Variants in TUSC3 observed in about 807,000 individuals in gnomAD.
TUSC3 encodes the protein dolichyl-diphosphooligosaccharide--protein glycosyltransferase subunit TUSC3.
A neutral mutation model predicts 44.8 loss-of-function variants in TUSC3; 45 were observed. The observed-to-expected ratio is 1.00, with a 90% CI of 0.79 to 1.29. TUSC3 has a LOEUF of 1.29. Among genes scored for constraint, TUSC3 ranks in the 50% most tolerant of loss-of-function variants. The pLI is 0.00. For synonymous variants in TUSC3, 212 were observed against 152.9 expected (o/e 1.39, Z -2.85); for missense variants, 519 against 437.9 (o/e 1.19, Z -1.65).
At chr8:15,851,765 C>T in the TUSC3 span, among the ~76,000 whole-genome samples, 1 of 152,126 alleles carries the variant, frequency 6.6e-6, no homozygotes, top group African/African-American at 2.4e-5. Context: ...CTGGTTGCTT[C>T]CTCACTGCAT....
chr8:15,584,019 G>C (rs1222778846), intron 1 of TUSC3, among the ~76,000 whole-genome samples: 2 of 152,198 alleles, frequency 1.3e-5, no homozygotes, highest in East Asian at 3.8e-4. Flanking sequence ...TATTTTGTGA[G>C]AATATGTTGT....
intron 2 of TUSC3, among the ~76,000 whole-genome samples, chr8:15,490,636 C>T (rs768541054): frequency 6.6e-6 from 1 of 152,190 alleles, no homozygotes; most frequent in Non-Finnish European, 1.5e-5. Flanking sequence ...TCCTATAAAA[C>T]ATGATACATT....
At chr8:15,612,215 A>G (rs544165143) in intron 1 of TUSC3, among the ~76,000 whole-genome samples, 2 of 152,286 alleles carry the variant, frequency 1.3e-5, no homozygotes, top group Admixed American at 1.3e-4. Flanking sequence ...AGTACTGTAT[A>G]TGTGACTGGT....
intron 1 of TUSC3, among the ~76,000 whole-genome samples, chr8:15,603,476 G>C (rs1252176846): frequency 6.6e-6 from 1 of 151,572 alleles, no homozygotes; most frequent in Non-Finnish European, 1.5e-5. Flanking sequence ...TTTGTATTCT[G>C]TGGGCGTATT....
the TUSC3 span, among the ~76,000 whole-genome samples, chr8:15,787,417 C>T: frequency 4.6e-5 from 7 of 152,006 alleles, no homozygotes; most frequent in South Asian, 2.1e-4. Flanking sequence ...CATGAAATCC[C>T]GTCAACAGAT....
At chr8:15,846,476 G>C in the TUSC3 span, among the ~76,000 whole-genome samples, 4 of 152,146 alleles carry the variant, frequency 2.6e-5, no homozygotes, top group African/African-American at 9.7e-5. Flanking sequence ...ATCAATGATA[G>C]ACTGGATGAA....
the TUSC3 span, among the ~76,000 whole-genome samples, chr8:15,799,765 C>G: frequency 6.6e-6 from 1 of 152,164 alleles, no homozygotes; most frequent in African/African-American, 2.4e-5. Context: ...TATGAAGGGT[C>G]TGAAATCTTA....
intron 1 of TUSC3, among the ~76,000 whole-genome samples, chr8:15,445,444 C>A (rs1448442153): frequency 1.3e-5 from 2 of 152,168 alleles, no homozygotes; most frequent in Non-Finnish European, 2.9e-5. Flanking sequence ...CTCTGGTTTT[C>A]CTAGGCAGAG....
intron 2 of TUSC3, among the ~76,000 whole-genome samples, chr8:15,644,701 TAATG>T (rs1468208166): frequency 6.6e-6 from 1 of 152,110 alleles, no homozygotes; most frequent in East Asian, 1.9e-4. Flanking sequence ...TTTTTTTTTC[TAATG>T]AATCTTTTGT....
chr8:15,737,929 C>G (rs760768435), intron 7 of TUSC3, among the ~76,000 whole-genome samples: 7 of 151,970 alleles, frequency 4.6e-5, no homozygotes, highest in Non-Finnish European at 1.0e-4. Flanking sequence ...TCTTTTTCAG[C>G]CAAAAATGTT....
At chr8:15,448,775 C>T (rs929418195) in intron 1 of TUSC3, among the ~76,000 whole-genome samples, 1 of 152,084 alleles carries the variant, frequency 6.6e-6, no homozygotes. Context: ...AAAAAGAGTA[C>T]TGCTAAAATA....
intron 1 of TUSC3, among the ~76,000 whole-genome samples, chr8:15,478,446 G>C (rs1314898968): frequency 6.6e-6 from 1 of 152,078 alleles, no homozygotes; most frequent in Non-Finnish European, 1.5e-5. Flanking sequence ...CCCGCCAAGA[G>C]GCCCCAATGT....
At chr8:15,788,610 A>G in the TUSC3 span, among the ~76,000 whole-genome samples, 2 of 152,048 alleles carry the variant, frequency 1.3e-5, no homozygotes, top group Non-Finnish European at 2.9e-5. Context: ...GAAGAAAATC[A>G]GATCCTCATC....
chr8:15,803,779 T>C, the TUSC3 span, among the ~76,000 whole-genome samples: 2 of 152,252 alleles, frequency 1.3e-5, no homozygotes, highest in South Asian at 4.2e-4. Flanking sequence ...AACTCCTGCT[T>C]ATGAGTGAGA....
At chr8:15,426,414 C>T (rs1585783243) in intron 1 of TUSC3, among the ~76,000 whole-genome samples, 3 of 152,280 alleles carry the variant, frequency 2.0e-5, no homozygotes, top group Non-Finnish European at 2.9e-5. Context: ...TCCCCAAATC[C>T]CATTATTGTA....
intron 1 of TUSC3, among the ~76,000 whole-genome samples, chr8:15,622,832 A>G (rs1476302230): frequency 6.6e-6 from 1 of 151,496 alleles, no homozygotes; most frequent in African/African-American, 2.4e-5. Context: ...GTCAACCCCC[A>G]TTGGCATTCT....
chr8:15,444,567 T>C (rs1162606619), intron 1 of TUSC3, among the ~76,000 whole-genome samples: 1 of 151,992 alleles, frequency 6.6e-6, no homozygotes, highest in Non-Finnish European at 1.5e-5. Context: ...AGTGGGGAAT[T>C]ATGGCTAAAT....
At chr8:15,549,962 T>C (rs1802002480) in intron 1 of TUSC3, among the ~76,000 whole-genome samples, 1 of 151,592 alleles carries the variant, frequency 6.6e-6, no homozygotes, top group African/African-American at 2.4e-5. Flanking sequence ...GAGTGGGCAA[T>C]TCCTGTCACC....
At chr8:15,782,061 G>A in the TUSC3 span, among the ~76,000 whole-genome samples, 1 of 152,312 alleles carries the variant, frequency 6.6e-6, no homozygotes, top group South Asian at 2.1e-4. Context: ...CTTGAACTCA[G>A]GAGGCAGAGG....
Sources: allele counts gnomAD v4.1 joint callset (sites outside exome capture counted in the v4.1 genomes callset), GRCh38; gene constraint gnomAD v4.1.1; transcripts MANE v1.5; gene names NCBI Gene and HGNC (gene_info 2026-07-23, HGNC 2026-07-21).